The following CSMD1 variants were observed in gnomAD, a reference collection of about 807,000 sequenced individuals.
CSMD1 encodes the protein CUB and Sushi multiple domains 1.
Under a neutral mutation model 417.5 loss-of-function variants are expected in CSMD1, and 213 were observed. That is an observed-to-expected ratio of 0.51 (90% CI 0.46 to 0.57). CSMD1 has a LOEUF of 0.57. Ranked by LOEUF, CSMD1 falls within the 20% of genes least tolerant of loss-of-function variation. The pLI is 0.00. For missense variants in CSMD1, 6,923 were observed against 4,529.7 expected (o/e 1.53, Z -15.17); for synonymous variants, 2,862 against 1,736.8 (o/e 1.65, Z -16.11).
chr8:4,092,013 A>C (rs1800748092), intron 3 of CSMD1, among the ~76,000 whole-genome samples: 1 of 152,228 alleles, frequency 6.6e-6, no homozygotes, highest in African/African-American at 2.4e-5. Context: ...ACTTTTACAT[A>C]ATATTACGTA....
At chr8:4,478,201 C>A (rs1442022632) in intron 2 of CSMD1, among the ~76,000 whole-genome samples, 1 of 152,136 alleles carries the variant, frequency 6.6e-6, no homozygotes, top group Non-Finnish European at 1.5e-5. Context: ...TTCTTTCACT[C>A]GCCAAATGAT....
At chr8:3,032,148 T>A (rs1224118900) in intron 50 of CSMD1, among the ~76,000 whole-genome samples, 1 of 151,978 alleles carries the variant, frequency 6.6e-6, no homozygotes, top group Admixed American at 6.6e-5. Flanking sequence ...TTAAAGTCCA[T>A]CTTGTCCTTT....
At chr8:4,397,170 G>C (rs577031698) in intron 3 of CSMD1, among the ~76,000 whole-genome samples, 227 of 152,092 alleles carry the variant, frequency 1.5e-3, no homozygotes, top group Non-Finnish European at 2.8e-3. Context: ...GTCCATGCAT[G>C]ATGATCAACA....
intron 26 of CSMD1, among the ~76,000 whole-genome samples, chr8:3,264,506 T>G (rs942118271): frequency 2.0e-5 from 3 of 152,186 alleles, no homozygotes; most frequent in African/African-American, 7.2e-5. Flanking sequence ...AAAATCTAAT[T>G]TGAGAACTGC....
intron 5 of CSMD1, among the ~76,000 whole-genome samples, chr8:3,926,512 AT>A (rs1427828774): frequency 6.6e-6 from 1 of 151,596 alleles, no homozygotes; most frequent in Admixed American, 6.6e-5. Flanking sequence ...ATTCTTTATT[AT>A]TTTTCACTTA....
chr8:3,981,876 T>C (rs1219363685), intron 5 of CSMD1, among the ~76,000 whole-genome samples: 2 of 152,080 alleles, frequency 1.3e-5, no homozygotes, highest in Non-Finnish European at 2.9e-5. Context: ...GCTTTATCTG[T>C]GAAGTTTCCT....
chr8:3,271,799 T>C (rs762586135), intron 26 of CSMD1, among the ~76,000 whole-genome samples: 89 of 152,176 alleles, frequency 5.8e-4, no homozygotes, highest in Non-Finnish European at 1.1e-3. Context: ...CTTGTAAATT[T>C]GTTTGAGTTC....
chr8:3,953,185 T>C (rs1811703428), intron 5 of CSMD1, among the ~76,000 whole-genome samples: 1 of 152,150 alleles, frequency 6.6e-6, no homozygotes, highest in Non-Finnish European at 1.5e-5. Context: ...GATTTTACTT[T>C]GTGTAGAAGC....
At chr8:3,558,865 C>T (rs559563829) in intron 10 of CSMD1, among the ~76,000 whole-genome samples, 13 of 152,284 alleles carry the variant, frequency 8.5e-5, no homozygotes, top group Non-Finnish European at 1.5e-4. Context: ...ACCCCATGTT[C>T]ACCTGCCGCC....
chr8:3,877,865 A>C (rs1585128621), intron 5 of CSMD1, among the ~76,000 whole-genome samples: 1 of 152,152 alleles, frequency 6.6e-6, no homozygotes, highest in Admixed American at 6.6e-5. Context: ...ACAAACAAAC[A>C]TTACTAAACC....
chr8:4,979,903 A>C (rs982914458), intron 1 of CSMD1, among the ~76,000 whole-genome samples: 4 of 151,418 alleles, frequency 2.6e-5, no homozygotes, highest in African/African-American at 9.8e-5. Flanking sequence ...CCAGGCGTGA[A>C]GGTGGGCGCC....
intron 6 of CSMD1, among the ~76,000 whole-genome samples, chr8:3,752,669 C>T (rs573924601): frequency 6.5e-5 from 8 of 122,380 alleles, no homozygotes; most frequent in Non-Finnish European, 1.3e-4. Context: ...ACCCACTCCC[C>T]GCCTGGCAAA....
chr8:3,180,954 G>A lies in CSMD1; in HGVS notation c.5725+156C>T, dbSNP rs957645462. ...TCACCGCAACTGGCTTATGTATTTC[G>A]TAGAGCCAGATTTCATAACACTAAA... is the stretch of plus-strand genomic sequence containing the variant. On this transcript the variant is annotated intron_variant, in intron 37 of 69. Transcript: ENST00000635120. Among the ~76,000 whole-genome samples, 8 of 152,058 alleles carry A rather than the reference G, an allele frequency of 5.3e-5. No individual in the cohort carries two copies. The South Asian group carries it at 6.2e-4, about 12-fold the overall frequency.
chr8:4,761,820 G>A (rs1214070122), intron 1 of CSMD1, among the ~76,000 whole-genome samples: 3 of 150,860 alleles, frequency 2.0e-5, no homozygotes, highest in Non-Finnish European at 4.4e-5. Flanking sequence ...AAATAAAATA[G>A]CAAAATAGTA....
intron 2 of CSMD1, among the ~76,000 whole-genome samples, chr8:4,579,932 G>A (rs1203426502): frequency 6.6e-6 from 1 of 152,152 alleles, no homozygotes; most frequent in South Asian, 2.1e-4. Flanking sequence ...TGCATAGCTC[G>A]ATTTCCTGTA....
chr8:4,274,618 A>T (rs1338249977), intron 3 of CSMD1, among the ~76,000 whole-genome samples: 1 of 152,154 alleles, frequency 6.6e-6, no homozygotes, highest in African/African-American at 2.4e-5. Flanking sequence ...TGAAATTTCT[A>T]TTAAATATCG....
intron 1 of CSMD1, among the ~76,000 whole-genome samples, chr8:4,838,783 G>C (rs903646586): frequency 1.3e-5 from 2 of 152,146 alleles, no homozygotes; most frequent in Admixed American, 6.5e-5. Flanking sequence ...CCCAGAGTTT[G>C]GTCGGAACCG....
At chr8:4,779,889 C>A (rs940953798) in intron 1 of CSMD1, among the ~76,000 whole-genome samples, 7 of 152,016 alleles carry the variant, frequency 4.6e-5, no homozygotes, top group African/African-American at 1.7e-4. Context: ...TGCTTCGGGG[C>A]CTTGCTTTTT....
chr8:4,904,099 G>C (rs1194223582), intron 1 of CSMD1, among the ~76,000 whole-genome samples: 4 of 152,078 alleles, frequency 2.6e-5, no homozygotes, highest in Admixed American at 1.3e-4. Flanking sequence ...GGATAGGATA[G>C]GCTCGAATTC....
Sources: allele counts gnomAD v4.1 joint callset (sites outside exome capture counted in the v4.1 genomes callset), GRCh38; gene constraint gnomAD v4.1.1; transcripts MANE v1.5; gene names NCBI Gene and HGNC (gene_info 2026-07-23, HGNC 2026-07-21).